RBMS3: variants seen among roughly 807,000 people sequenced by gnomAD.
RBMS3 encodes the protein RNA-binding motif, single-stranded-interacting protein 3.
A neutral mutation model predicts 66.8 loss-of-function variants in RBMS3; 27 were observed. The ratio of observed to expected loss-of-function variants is 0.40; its 90% CI spans 0.30 to 0.56. The LOEUF (loss-of-function observed/expected upper bound fraction) is 0.56. RBMS3 is among the 20% of genes least tolerant of loss of function. RBMS3 has a pLI of 0.40. For missense variants in RBMS3, 513 were observed against 549.5 expected (o/e 0.93, Z 0.66); for synonymous variants, 188 against 183.0 (o/e 1.03, Z -0.22).
At chr3:29,444,526 G>A (rs2041745314) in intron 2 of RBMS3, among the ~76,000 whole-genome samples, 1 of 152,032 alleles carries the variant, frequency 6.6e-6, no homozygotes, top group South Asian at 2.1e-4. Flanking sequence ...TATGGTAAAG[G>A]ACAACCAGGA....
intron 2 of RBMS3, among the ~76,000 whole-genome samples, chr3:29,456,699 G>A (rs1224503800): frequency 6.6e-6 from 1 of 151,250 alleles, no homozygotes; most frequent in African/African-American, 2.4e-5. Context: ...AAAAATATTT[G>A]CCTACATGAG....
intron 6 of RBMS3, among the ~76,000 whole-genome samples, chr3:29,783,246 A>C (rs1406814378): frequency 1.3e-5 from 2 of 152,188 alleles, no homozygotes; most frequent in Non-Finnish European, 2.9e-5. Flanking sequence ...GCACATTGTC[A>C]TCGGGTTATC....
intron 4 of RBMS3, among the ~76,000 whole-genome samples, chr3:29,594,827 C>G (rs554004309): frequency 5.9e-5 from 9 of 152,250 alleles, no homozygotes; most frequent in Admixed American, 2.0e-4. Flanking sequence ...GTTTTTGAAG[C>G]AGACTCATCT....
At chr3:29,964,693 A>C (rs1696714516) in intron 12 of RBMS3, among the ~76,000 whole-genome samples, 1 of 152,104 alleles carries the variant, frequency 6.6e-6, no homozygotes, top group Non-Finnish European at 1.5e-5. Flanking sequence ...TTCTGAATGC[A>C]TTAACATTTC....
At chr3:29,658,454 C>A (rs9831305) in intron 4 of RBMS3, among the ~76,000 whole-genome samples, 1 of 152,074 alleles carries the variant, frequency 6.6e-6, no homozygotes, top group Non-Finnish European at 1.5e-5. Context: ...GACCACACTA[C>A]GAATATCAAT....
At chr3:29,423,366 A>G (rs2040826118) in intron 1 of RBMS3, among the ~76,000 whole-genome samples, 1 of 152,212 alleles carries the variant, frequency 6.6e-6, no homozygotes, top group Non-Finnish European at 1.5e-5. Flanking sequence ...TTATATTTTT[A>G]CTTCCTACAA....
chr3:29,801,151 C>A (rs938202427), intron 6 of RBMS3, among the ~76,000 whole-genome samples: 2 of 152,038 alleles, frequency 1.3e-5, no homozygotes, highest in Non-Finnish European at 2.9e-5. Flanking sequence ...ATATCAGAAG[C>A]CAAAACTGTA....
intron 2 of RBMS3, among the ~76,000 whole-genome samples, chr3:29,488,042 G>A (rs1161552259): frequency 1.3e-5 from 2 of 152,182 alleles, no homozygotes; most frequent in African/African-American, 4.8e-5. Flanking sequence ...GTGTCTTAGT[G>A]AAGTTGGGTT....
chr3:29,769,498 G>T (rs1157524504), intron 6 of RBMS3, among the ~76,000 whole-genome samples: 1 of 151,848 alleles, frequency 6.6e-6, no homozygotes, highest in Non-Finnish European at 1.5e-5. Flanking sequence ...TTAGAAGGTT[G>T]GAAGGTCTTT....
chr3:29,494,065 G>T (rs1219842185), intron 3 of RBMS3, among the ~76,000 whole-genome samples: 1 of 152,150 alleles, frequency 6.6e-6, no homozygotes, highest in East Asian at 1.9e-4. Context: ...TATTTTTAAA[G>T]ACATGATAGT....
intron 4 of RBMS3, among the ~76,000 whole-genome samples, chr3:29,694,865 A>ATTTT (rs1243594580): frequency 0.011 from 1,417 of 134,740 alleles, 12 homozygotes; most frequent in African/African-American, 0.04. Flanking sequence ...TTTTTTTAAA[A>ATTTT]AAAAAATACA....
intron 1 of RBMS3, among the ~76,000 whole-genome samples, chr3:29,410,950 T>C (rs192915303): frequency 7.3e-6 from 1 of 136,430 alleles, no homozygotes; most frequent in Non-Finnish European, 1.6e-5. Flanking sequence ...ACTTCATGAT[T>C]CCTATCCCTT....
Position 29,492,925 on chromosome 3 carries a change from C to CT in RBMS3, c.307+4426_307+4427insT, listed in dbSNP as rs1559408484. ...CTGGTTCATCCATTCTTCATTGGTA[C>CT]CATGCTAAATCGGTACAGCTTTTTT... On this transcript the variant is annotated intron_variant, in intron 3 of 14. Transcript: ENST00000383767. Among the ~76,000 whole-genome samples the CT allele has an allele frequency of 2.6e-5, 4 of 152,120 alleles. No individual in the cohort carries two copies. The East Asian group carries it at 7.7e-4, about 29-fold the overall frequency.
intron 3 of RBMS3, among the ~76,000 whole-genome samples, chr3:29,492,358 T>C (rs148396570): frequency 6.6e-6 from 1 of 151,920 alleles, no homozygotes; most frequent in Non-Finnish European, 1.5e-5. Context: ...TTATAGAAAA[T>C]TGTGTATAAT....
chr3:29,675,765 A>G (rs2051221259), intron 4 of RBMS3, among the ~76,000 whole-genome samples: 1 of 152,228 alleles, frequency 6.6e-6, no homozygotes. Context: ...AATCATTAAA[A>G]AGTCAGGAAA....
At chr3:29,598,847 A>C (rs546054270) in intron 4 of RBMS3, among the ~76,000 whole-genome samples, 9 of 151,968 alleles carry the variant, frequency 5.9e-5, no homozygotes, top group Non-Finnish European at 1.2e-4. Flanking sequence ...TTTTTTTTTA[A>C]AAGGAACAAA....
chr3:29,415,361 G>A (rs1385546785), intron 1 of RBMS3, among the ~76,000 whole-genome samples: 2 of 152,148 alleles, frequency 1.3e-5, no homozygotes, highest in Admixed American at 1.3e-4. Context: ...GGAATAGCTT[G>A]CAGGCACAAG....
At chr3:29,291,805 A>ACAGGTATGC (rs1467740455) in intron 1 of RBMS3, among the ~76,000 whole-genome samples, 1 of 151,716 alleles carries the variant, frequency 6.6e-6, no homozygotes, top group Non-Finnish European at 1.5e-5. Context: ...ACATGTCTCT[A>ACAGGTATGC]CAGGTATGCA....
intron 6 of RBMS3, among the ~76,000 whole-genome samples, chr3:29,836,524 C>G (rs1188215329): frequency 6.6e-6 from 1 of 151,824 alleles, no homozygotes; most frequent in Non-Finnish European, 1.5e-5. Context: ...AGAAACAGAG[C>G]ACAGAAGGAT....
Sources: gnomAD v4.1 joint callset for allele counts (sites outside exome capture counted in the v4.1 genomes callset) on GRCh38, gnomAD v4.1.1 for gene constraint, MANE v1.5 for transcripts, NCBI Gene and HGNC (gene_info 2026-07-23, HGNC 2026-07-21) for gene names.